ITPA: variants seen among roughly 807,000 people sequenced by gnomAD.
ITPA encodes the protein inosine triphosphatase.
Under a neutral mutation model 29.6 loss-of-function variants are expected in ITPA, and 29 were observed. That is an observed-to-expected ratio of 0.98 (90% confidence interval 0.73 to 1.34). The LOEUF (loss-of-function observed/expected upper bound fraction) is 1.34. ITPA is among the 40% of genes most tolerant of loss of function. ITPA has a pLI of 0.00. For synonymous variants in ITPA, 103 were observed against 99.3 expected, an observed-to-expected ratio of 1.04 and a Z score of -0.22; for missense variants, 241 against 251.5, an observed-to-expected ratio of 0.96 and a Z score of 0.28.
intron 7 of ITPA, among the ~76,000 whole-genome samples, chr20:3,222,376 A>G (rs1402713792): frequency 6.6e-6 from 1 of 151,934 alleles, no homozygotes; most frequent in Non-Finnish European, 1.5e-5. Flanking sequence ...GTGCTCAGCT[A>G]ATTTTTGTTA....
At chr20:3,208,456 A>AC (rs2067102392), upstream of ITPA, among the ~76,000 whole-genome samples, 1 of 151,810 alleles carries the variant, frequency 6.6e-6, no homozygotes, top group Admixed American at 6.6e-5. Flanking sequence ...GCTCACTGCA[A>AC]CCCCCACCTC....
Position 3,218,556 on chromosome 20 carries a change from C to T in ITPA, c.335C>T (p.Ala112Val). Reference protein sequence around the residue: ...QLLAGFEDKSAYALCTFALST... With the variant: ...QLLAGFEDKSVYALCTFALST... ...CTGGCCGGGTTCGAGGACAAGTCAG[C>T]CTATGCGCTCTGCACGTTTGCACTC... is the stretch of plus-strand genomic sequence containing the variant. The change falls in exon 6 of 8, where the codon GCC becomes GTC. Residue 112 changes from alanine (A) to valine (V), a missense_variant. Ala to Val is a moderately conservative substitution (Grantham distance 64, BLOSUM62 0). Transcript: ENST00000380113. 1 of 1,614,004 alleles carries T rather than the reference C, an allele frequency of 6.2e-7. No homozygotes were observed.
chr20:3,224,337 G>A (rs889785814), downstream of ITPA, among the ~76,000 whole-genome samples: 5 of 152,286 alleles, frequency 3.3e-5, no homozygotes, highest in South Asian at 2.1e-4. Context: ...GTGCCCTGGC[G>A]AAGCCATTCC....
Position 3,218,537 on chromosome 20 carries a change from G to C in ITPA, c.316G>C (p.Gly106Arg), listed in dbSNP as rs202194282. ...CGCAGGTCTCCACCAGCTCCTGGCC[G>C]GGTTCGAGGACAAGTCAGCCTATGC... ...KPEGLHQLLA[G>R]FEDKSAYALC... Residue 106 changes from glycine (G) to arginine (R), a missense_variant, in exon 6 of 8, where the codon GGG (glycine) becomes CGG (arginine). Transcript: ENST00000380113. 21 of 1,613,858 alleles carry C rather than the reference G, an allele frequency of 1.3e-5. No homozygotes were observed. The Admixed American group carries it at 3.3e-4, about 26-fold the overall frequency.
intron 7 of ITPA, among the ~76,000 whole-genome samples, chr20:3,222,216 TCTGA>T (rs1399978812): frequency 6.0e-5 from 9 of 150,678 alleles, no homozygotes; most frequent in Admixed American, 5.9e-4. Context: ...AAGCTGTACA[TCTGA>T]CTTTTTTTTT....
chr20:3,204,724 G>A (rs898526664), upstream of ITPA: 1 of 1,227,554 alleles, frequency 8.1e-7, no homozygotes, highest in African/African-American at 1.5e-5. Context: ...CCCACTACTC[G>A]GAGCCCCGCC....
Position 3,209,524 on chromosome 20 carries a change from T to A in ITPA, c.-28T>A. 1 of 1,610,766 alleles carries A rather than the reference T, an allele frequency of 6.2e-7. No homozygotes were observed. Among genetic ancestry groups the A allele is most frequent in the East Asian group, 2.2e-5 (1 of 44,838 alleles). ...TCACTGGACGCCAAGGAGTTTTCGG[T>A]GGCTCAGCTGGGTAACCGGGGATCA... On this transcript the variant is annotated 5_prime_UTR_variant, in exon 1 of 8. Coordinates refer to ENST00000380113, the MANE Select transcript of ITPA (RefSeq NM_033453.4). The surrounding 1 kb of genome is among the most constrained non-coding windows in gnomAD (Gnocchi z 4.6).
At chr20:3,204,599 G>A (rs894021368), upstream of ITPA, 4 of 1,589,882 alleles carry the variant, frequency 2.5e-6, no homozygotes, top group Non-Finnish European at 3.4e-6. Flanking sequence ...CAGAGCCGCC[G>A]CTACCAAGTA....
At chr20:3,213,277 T>G (rs747694061) in intron 2 of ITPA, 42 bp from the exon 3 acceptor site, 1 of 1,614,210 alleles carries the variant, frequency 6.2e-7, no homozygotes, top group South Asian at 1.1e-5. Context: ...TTTCTCTGTC[T>G]TCCTGTGACC....
At chr20:3,220,258 A>G (rs1382826862) in intron 6 of ITPA, among the ~76,000 whole-genome samples, 1 of 151,790 alleles carries the variant, frequency 6.6e-6, no homozygotes, top group African/African-American at 2.4e-5. Context: ...GGGTTTCACT[A>G]TGTTGCCCAG....
At position 3,221,929 on chromosome 20, in the gene ITPA, T is replaced by C; in HGVS notation, c.488+12T>C. ...GGATATGAGCAGACGTAAGGAGCCC[T>C]GCTTTTCTTCCCTGGGGTGTGGGGT... On this transcript the variant is annotated intron_variant, in intron 7 of 7. Transcript: ENST00000380113. 1 of 1,612,788 alleles carries C rather than the reference T, an allele frequency of 6.2e-7. No individual in the cohort carries two copies.
At chr20:3,207,218 C>G (rs1235029531), upstream of ITPA, among the ~76,000 whole-genome samples, 1 of 152,092 alleles carries the variant, frequency 6.6e-6, no homozygotes, top group East Asian at 1.9e-4. Context: ...GCCTCCTAAA[C>G]AGCTGTGACT....
chr20:3,221,061 T>C (rs540748474), intron 6 of ITPA, among the ~76,000 whole-genome samples: 1 of 152,230 alleles, frequency 6.6e-6, no homozygotes, highest in East Asian at 1.9e-4. Flanking sequence ...AATTTTTGTA[T>C]TTTTTGTAGA....
At chr20:3,221,653 G>C (rs2067466148) in intron 6 of ITPA, 188 bp from the exon 7 acceptor site, 2 of 666,784 alleles carry the variant, frequency 3.0e-6, no homozygotes, top group Non-Finnish European at 5.5e-6. Flanking sequence ...TGAGGGAAGA[G>C]CTGCCCCGCT....
chr20:3,215,870 G>C (rs1346625041), intron 5 of ITPA, among the ~76,000 whole-genome samples: 1 of 151,800 alleles, frequency 6.6e-6, no homozygotes, highest in Non-Finnish European at 1.5e-5. Context: ...ATTTTTAGTA[G>C]AGAGGGGGTT....
downstream of ITPA, among the ~76,000 whole-genome samples, chr20:3,225,353 C>CTA (rs2067543352): frequency 6.6e-6 from 1 of 152,174 alleles, no homozygotes; most frequent in Non-Finnish European, 1.5e-5. Flanking sequence ...CAAGACAGGA[C>CTA]TAGAGGACTG....
downstream of ITPA, among the ~76,000 whole-genome samples, chr20:3,226,854 G>C (rs2067559230): frequency 6.6e-6 from 1 of 152,068 alleles, no homozygotes; most frequent in African/African-American, 2.4e-5. This position sits in a 1 kb window ranked among gnomAD's most constrained non-coding sequence, Gnocchi z 4.4. Context: ...GCCATTGGGA[G>C]ACCCTGACCC....
chr20:3,209,127 A>G (rs1332731446), upstream of ITPA: 2 of 311,362 alleles, frequency 6.4e-6, no homozygotes, highest in African/African-American at 4.4e-5. The surrounding 1 kb of genome is among the most constrained non-coding windows in gnomAD (Gnocchi z 4.6). Context: ...TGAGATCAGG[A>G]TGAGGGTTTG....
At chr20:3,222,916 C>T (rs573542400) in intron 7 of ITPA, among the ~76,000 whole-genome samples, 9 of 152,336 alleles carry the variant, frequency 5.9e-5, no homozygotes, top group African/African-American at 1.9e-4. Context: ...AGGCCACGGG[C>T]GGGGTATGGG....
Sources: allele counts gnomAD v4.1 joint callset (sites outside exome capture counted in the v4.1 genomes callset), GRCh38; gene constraint gnomAD v4.1.1; non-coding constraint Gnocchi (gnomAD v3.1); transcripts MANE v1.5; gene names NCBI Gene and HGNC (gene_info 2026-07-23, HGNC 2026-07-21).